Variants in RTN4RL1 observed in about 807,000 individuals in gnomAD.
RTN4RL1 encodes the protein reticulon 4 receptor like 1.
Under a neutral mutation model 25.6 loss-of-function variants are expected in RTN4RL1, and 7 were observed. The observed-to-expected ratio is 0.27, with a 90% confidence interval of 0.16 to 0.51. The LOEUF is 0.51. Ranked by LOEUF, RTN4RL1 falls within the 20% of genes least tolerant of loss-of-function variation. The pLI, the probability that RTN4RL1 is intolerant of heterozygous loss-of-function variation, is 0.97. For synonymous variants in RTN4RL1, 297 were observed against 288.2 expected (o/e 1.03, Z -0.31); for missense variants, 500 against 615.6 (o/e 0.81, Z 1.99).
intron 1 of RTN4RL1, among the ~76,000 whole-genome samples, chr17:1,939,208 C>T (rs967892356): frequency 3.3e-5 from 5 of 151,476 alleles, no homozygotes; most frequent in African/African-American, 4.9e-5. Context: ...AAAAAATTAG[C>T]CGGGCGTGGT....
intron 1 of RTN4RL1, among the ~76,000 whole-genome samples, chr17:1,947,492 C>T (rs906139134): frequency 6.6e-6 from 1 of 152,226 alleles, no homozygotes; most frequent in Non-Finnish European, 1.5e-5. Context: ...GCCTTCAACT[C>T]CCGCCCTCCT....
intron 1 of RTN4RL1, among the ~76,000 whole-genome samples, chr17:1,995,253 C>G (rs534807099): frequency 6.6e-6 from 1 of 152,250 alleles, no homozygotes; most frequent in African/African-American, 2.4e-5. Context: ...TGGTGAAACA[C>G]CGTCTCTACT....
At chr17:1,965,202 C>T (rs961248227) in intron 1 of RTN4RL1, among the ~76,000 whole-genome samples, 7 of 151,518 alleles carry the variant, frequency 4.6e-5, no homozygotes, top group Admixed American at 6.6e-5. Context: ...CTCTGCCTCC[C>T]GGGTTCAAGT....
chr17:1,941,014 C>T (rs540225403), intron 1 of RTN4RL1, among the ~76,000 whole-genome samples: 48 of 152,268 alleles, frequency 3.2e-4, no homozygotes, highest in Middle Eastern at 3.4e-3. Flanking sequence ...TCCGGCTCAG[C>T]GCTAATCCCA....
At chr17:2,013,632 T>TTGGGGTTTGATAGCTTTGAGGTGCG (rs1567528139) in intron 1 of RTN4RL1, among the ~76,000 whole-genome samples, 1 of 134,074 alleles carries the variant, frequency 7.5e-6, no homozygotes, top group African/African-American at 2.9e-5. Flanking sequence ...TCCCTCACCC[T>TTGGGGTTTGATAGCTTTGAGGTGCG]GGAACATAAA....
intron 1 of RTN4RL1, 43 bp from the exon 2 acceptor site, chr17:1,937,851 G>C (rs1475867227): frequency 6.8e-7 from 1 of 1,466,062 alleles, no homozygotes; most frequent in East Asian, 2.3e-5. Context: ...GGCCGTGCAG[G>C]TGAGGACTGG....
chr17:1,940,268 G>A (rs1260795591), intron 1 of RTN4RL1, among the ~76,000 whole-genome samples: 1 of 152,182 alleles, frequency 6.6e-6, no homozygotes, highest in East Asian at 1.9e-4. Context: ...AATTGGGCTC[G>A]GTTGCGAATT....
At chr17:1,962,816 C>T (rs150511915) in intron 1 of RTN4RL1, among the ~76,000 whole-genome samples, 5 of 144,692 alleles carry the variant, frequency 3.5e-5, no homozygotes, top group Admixed American at 7.0e-5. Context: ...GAGCCGAGAT[C>T]GCACCACTGC....
intron 1 of RTN4RL1, among the ~76,000 whole-genome samples, chr17:1,959,852 C>A (rs1045344166): frequency 3.3e-5 from 5 of 152,160 alleles, no homozygotes; most frequent in Non-Finnish European, 7.3e-5. Context: ...CGTGAGCCAC[C>A]GCGCCCAGCC....
chr17:2,024,078 C>T (rs976128353), intron 1 of RTN4RL1, among the ~76,000 whole-genome samples: 8 of 152,150 alleles, frequency 5.3e-5, no homozygotes, highest in African/African-American at 1.9e-4. Flanking sequence ...CGCGTGGCAA[C>T]CACGTGGGGG....
intron 1 of RTN4RL1, among the ~76,000 whole-genome samples, chr17:1,949,805 TGAGATA>T (rs1915637389): frequency 6.6e-6 from 1 of 152,146 alleles, no homozygotes; most frequent in African/African-American, 2.4e-5. Flanking sequence ...CAAAAAGGGT[TGAGATA>T]GAGACAAAGG....
chr17:1,953,718 C>T (rs1020452765), intron 1 of RTN4RL1, among the ~76,000 whole-genome samples: 3 of 152,128 alleles, frequency 2.0e-5, no homozygotes, highest in Non-Finnish European at 2.9e-5. Context: ...GCGAGCACCA[C>T]CAAGCTCGGT....
intron 1 of RTN4RL1, among the ~76,000 whole-genome samples, chr17:1,973,126 G>A (rs916526694): frequency 6.6e-5 from 10 of 152,176 alleles, no homozygotes; most frequent in African/African-American, 1.9e-4. Context: ...ACTTTGGGAC[G>A]CTGAGGCAGG....
chr17:1,970,429 C>G (rs1424633197), intron 1 of RTN4RL1, among the ~76,000 whole-genome samples: 1 of 152,168 alleles, frequency 6.6e-6, no homozygotes, highest in African/African-American at 2.4e-5. Context: ...AAACTGCCAG[C>G]CTTCTTAAGG....
chr17:2,022,556 C>T (rs138157749), intron 1 of RTN4RL1, among the ~76,000 whole-genome samples: 87 of 152,298 alleles, frequency 5.7e-4, no homozygotes, highest in Non-Finnish European at 1.0e-3. Flanking sequence ...TGGCTTTGGG[C>T]GCCTACCTAG....
intron 1 of RTN4RL1, among the ~76,000 whole-genome samples, chr17:2,016,693 G>A (rs905119030): frequency 2.0e-5 from 3 of 152,242 alleles, no homozygotes; most frequent in East Asian, 1.9e-4. Flanking sequence ...ACATGCCAGC[G>A]ACAGGCGGCA....
At chr17:1,987,061 A>G (rs2066890501) in intron 1 of RTN4RL1, among the ~76,000 whole-genome samples, 1 of 152,156 alleles carries the variant, frequency 6.6e-6, no homozygotes, top group Non-Finnish European at 1.5e-5. Flanking sequence ...GGCAGGTGCG[A>G]AGGAGAAAGA....
chr17:1,986,710 C>A (rs745659198), intron 1 of RTN4RL1, among the ~76,000 whole-genome samples: 4 of 151,298 alleles, frequency 2.6e-5, no homozygotes, highest in East Asian at 1.9e-4. Context: ...GAATAAATTT[C>A]TCTGGTTTTA....
rs754696302 is a variant in RTN4RL1, at chr17:1,936,982, G to A, written c.840C>T (p.Val280=). The part of the protein sequence containing the change: ...LQRFRGSSSA[V]PCVSPGLRHG... ...GCCGCAGCCCAGGGGACACACAGGG[G>A]ACAGCGGAGCTGGAGCCCCGGAACC... The change falls in exon 2 of 2, where the codon GTC becomes GTT. Residue 280 remains valine, a synonymous_variant. Transcript: ENST00000331238. 2 of 1,606,006 alleles carry A rather than the reference G, an allele frequency of 1.2e-6. No individual in the cohort carries two copies. The highest frequency in any genetic ancestry group is 2.7e-5 in the African/African-American group (2 of 74,862).
Sources: gnomAD v4.1 joint callset for allele counts (sites outside exome capture counted in the v4.1 genomes callset) on GRCh38, gnomAD v4.1.1 for gene constraint, MANE v1.5 for transcripts, NCBI Gene and HGNC (gene_info 2026-07-23, HGNC 2026-07-21) for gene names.